The following ZHX3 variants were observed in gnomAD, a reference collection of about 807,000 sequenced individuals.
The protein encoded by ZHX3 is zinc fingers and homeoboxes 3.
Under a neutral mutation model 64.5 loss-of-function variants are expected in ZHX3, and 20 were observed. The observed-to-expected ratio is 0.31, with a 90% CI of 0.22 to 0.45. The LOEUF is 0.45. Ranked by LOEUF, ZHX3 falls within the 20% of genes least tolerant of loss-of-function variation. The pLI, the probability that ZHX3 is intolerant of heterozygous loss-of-function variation, is 1.00. For missense variants in ZHX3, 1,041 were observed against 1,195.8 expected (o/e 0.87, Z 1.91); for synonymous variants, 423 against 461.6 (o/e 0.92, Z 1.07).
intron 2 of ZHX3, among the ~76,000 whole-genome samples, chr20:41,222,908 A>T (rs1220060277): frequency 2.4e-5 from 3 of 125,950 alleles, no homozygotes; most frequent in Non-Finnish European, 5.4e-5. Context: ...ACATTTGTTA[A>T]AAAAAAAAAA....
intron 2 of ZHX3, among the ~76,000 whole-genome samples, chr20:41,216,064 A>G (rs1372272670): frequency 6.6e-6 from 1 of 152,218 alleles, no homozygotes; most frequent in Non-Finnish European, 1.5e-5. Flanking sequence ...AAAAAGATGT[A>G]AAGAATGTGA....
At chr20:41,296,231 G>GT (rs2044513397) in intron 1 of ZHX3, among the ~76,000 whole-genome samples, 10 of 23,278 alleles carry the variant, frequency 4.3e-4, no homozygotes, top group Admixed American at 6.5e-4. Flanking sequence ...AGTTCATAAA[G>GT]TAAAAAAAAA....
chr20:41,311,784 A>G (rs1397355294), intron 1 of ZHX3, among the ~76,000 whole-genome samples: 4 of 152,242 alleles, frequency 2.6e-5, no homozygotes, highest in Non-Finnish European at 5.9e-5. Context: ...TCATCACCAT[A>G]CTGGGTTCTC....
intron 2 of ZHX3, among the ~76,000 whole-genome samples, chr20:41,250,037 G>A (rs2041912899): frequency 6.6e-6 from 1 of 152,110 alleles, no homozygotes; most frequent in Non-Finnish European, 1.5e-5. Flanking sequence ...CAATAAAGCA[G>A]TCTGGGGAAA....
Position 41,201,176 on chromosome 20 carries a change from A to C in ZHX3, c.2860+881T>G. 1.4e-6 allele frequency: 1 copy of C among 707,242 alleles called. No individual in the cohort carries two copies. Among genetic ancestry groups the C allele is most frequent in the South Asian group, 1.9e-5 (1 of 53,280 alleles). 43.8% of individuals were successfully genotyped at this position (707,242 alleles called of 1,614,324 possible). On this transcript the variant is annotated intron_variant, in intron 3 of 3. Coordinates refer to ENST00000683867, the MANE Select transcript of ZHX3 (RefSeq NM_001384317.1). This position sits in a 1 kb window ranked among gnomAD's most constrained non-coding sequence, Gnocchi z 5.0. ...ACCATCACATTGCCCAACACCACAA[A>C]TAGTGTCTCCTGTACCCCCTCCCAC...
chr20:41,296,675 C>G (rs2044546924), intron 1 of ZHX3, among the ~76,000 whole-genome samples: 1 of 152,224 alleles, frequency 6.6e-6, no homozygotes. Flanking sequence ...TCTGTCTTGG[C>G]AGGCTAATCA....
intron 3 of ZHX3, among the ~76,000 whole-genome samples, chr20:41,186,107 T>G (rs1242601193): frequency 6.6e-6 from 1 of 152,178 alleles, no homozygotes; most frequent in East Asian, 1.9e-4. Flanking sequence ...TTCCAGCAAT[T>G]TTTCATCATC....
chr20:41,265,998 A>G (rs1253480824), intron 2 of ZHX3, among the ~76,000 whole-genome samples: 1 of 152,190 alleles, frequency 6.6e-6, no homozygotes, highest in Non-Finnish European at 1.5e-5. Flanking sequence ...GCAATAGATA[A>G]TTATTCTCTT....
rs1285938088 is a variant in ZHX3 at position 41,224,255 on chromosome 20, G to A, written c.-150-19189C>T. On this transcript the variant is annotated intron_variant, in intron 2 of 3. Transcript: ENST00000683867. The surrounding 1 kb of genome is among the most constrained non-coding windows in gnomAD (Gnocchi z 5.2). Reference sequence around the variant, plus strand: ...TTATTACAAAGCCCCTTTCTTAGTTGGACCTGGTTCCCAGCTTTTAGATTT... The same window carrying A: ...TTATTACAAAGCCCCTTTCTTAGTTAGACCTGGTTCCCAGCTTTTAGATTT... 6.6e-6 allele frequency among the ~76,000 whole-genome samples: 1 copy of A among 152,100 alleles called. No homozygotes were observed. Among genetic ancestry groups the A allele is most frequent in the African/African-American group, 2.4e-5 (1 of 41,404 alleles).
chr20:41,236,700 C>T (rs2041018216), intron 2 of ZHX3, among the ~76,000 whole-genome samples: 1 of 152,176 alleles, frequency 6.6e-6, no homozygotes, highest in Non-Finnish European at 1.5e-5. Context: ...CCATTCAGGA[C>T]ATAGGCATGG....
At chr20:41,264,385 C>CAAAAAA (rs1165922837) in intron 2 of ZHX3, among the ~76,000 whole-genome samples, 4 of 74,502 alleles carry the variant, frequency 5.4e-5, no homozygotes, top group African/African-American at 1.0e-4. Context: ...ACCAAAAATA[C>CAAAAAA]AAAAAAAAAA....
rs761373781 is a variant in ZHX3 at position 41,270,819 on chromosome 20, A to G, written c.-244-1736T>C. ...TGTCCTGGTATGCCTAAAGTAGCTC[A>G]ATGTCTACTGAATTAGCTCTTGAAA... On this transcript the variant is annotated intron_variant, in intron 1 of 3. Transcript: ENST00000683867. Among the ~76,000 whole-genome samples the G allele has an allele frequency of 3.3e-5, 5 of 152,202 alleles. No individual in the cohort carries two copies. The East Asian group carries it at 9.6e-4, about 29-fold the overall frequency.
rs1269342808 is a variant in ZHX3, at chr20:41,200,002, A to G, written c.2860+2055T>C. Among the ~76,000 whole-genome samples, 2 of 152,138 alleles carry G rather than the reference A, an allele frequency of 1.3e-5. No homozygotes were observed. Among genetic ancestry groups the G allele is most frequent in the Non-Finnish European group, 1.5e-5 (1 of 68,016 alleles). On this transcript the variant is annotated intron_variant, in intron 3 of 3. Transcript: ENST00000683867. The surrounding 1 kb of genome is among the most constrained non-coding windows in gnomAD (Gnocchi z 4.2). ...GTGTGAGCCACCACACCTGGCCACA[A>G]AAACTTGACTTTTGGAGGACAAAGT...
At chr20:41,187,358 C>T in intron 3 of ZHX3, among the ~76,000 whole-genome samples, 1 of 149,198 alleles carries the variant, frequency 6.7e-6, no homozygotes, top group Non-Finnish European at 1.5e-5. Context: ...GTAATAATTG[C>T]CTAATCAAAA....
chr20:41,229,209 T>C (rs1202313261), intron 2 of ZHX3, among the ~76,000 whole-genome samples: 1 of 152,214 alleles, frequency 6.6e-6, no homozygotes, highest in Non-Finnish European at 1.5e-5. Flanking sequence ...TAGCATAATA[T>C]CCTCAAGTTT....
At position 41,202,511 on chromosome 20, in the gene ZHX3, A is replaced by G; in HGVS notation, c.2406T>C (p.Gly802=). Residue 802 remains glycine (G), a synonymous_variant, in exon 3 of 4, where the codon GGT becomes GGC. Transcript: ENST00000683867. The surrounding 1 kb of genome is among the most constrained non-coding windows in gnomAD (Gnocchi z 7.0). ...QDYDSIMAQT[G]LPRPEVVRWF... ...AGCGCACCACCTCTGGCCGTGGCAG[A>G]CCCGTCTGGGCCATGATGGAGTCAT... 3.1e-6 allele frequency: 5 copies of G among 1,613,844 alleles called. No individual in the cohort carries two copies. The highest frequency in any genetic ancestry group is 4.2e-6 in the Non-Finnish European group (5 of 1,179,970).
rs2036161757 is a variant in ZHX3, at chr20:41,179,343, T to C, written c.*5848A>G. ...CAACCGGATTGCTGTGCTGGGTCCC[T>C]GCTGAGGAGTAGGGACTGGCGCTCC... On this transcript the variant is annotated 3_prime_UTR_variant, in exon 4 of 4. Coordinates refer to ENST00000683867, the MANE Select transcript of ZHX3 (RefSeq NM_001384317.1). This position sits in a 1 kb window ranked among gnomAD's most constrained non-coding sequence, Gnocchi z 4.3. 1 of 152,118 alleles carries C rather than the reference T, an allele frequency of 6.6e-6. No individual in the cohort carries two copies. The highest frequency in any genetic ancestry group is 2.4e-5 in the African/African-American group (1 of 41,402). The allele number at this position is 152,118 out of a possible 1,614,324, so 9.4% of individuals were successfully genotyped here. A position where few individuals can be genotyped will look rare whatever the true frequency, so the allele number is the denominator to read the frequency against.
intron 2 of ZHX3, among the ~76,000 whole-genome samples, chr20:41,267,933 T>C (rs958737912): frequency 6.6e-6 from 1 of 152,190 alleles, no homozygotes; most frequent in Non-Finnish European, 1.5e-5. Context: ...GTTTAGAGGA[T>C]TGATATATAA....
intron 1 of ZHX3, among the ~76,000 whole-genome samples, chr20:41,275,145 T>C (rs989588732): frequency 6.6e-5 from 10 of 151,504 alleles, no homozygotes; most frequent in Non-Finnish European, 1.2e-4. Context: ...GTGACAAGAG[T>C]GAAACTCCGT....
Sources: gnomAD v4.1 joint callset for allele counts (sites outside exome capture counted in the v4.1 genomes callset) on GRCh38, gnomAD v4.1.1 for gene constraint, Gnocchi (gnomAD v3.1) non-coding constraint, MANE v1.5 for transcripts, NCBI Gene and HGNC (gene_info 2026-07-23, HGNC 2026-07-21) for gene names.